The following MAS1L variants were observed in gnomAD, a reference collection of about 807,000 sequenced individuals.
MAS1L encodes mas-related G protein-coupled receptor MRG.
For synonymous variants in MAS1L, 160 were observed against 182.9 expected, an observed-to-expected ratio of 0.87 and a Z score of 1.01; for missense variants, 441 against 460.1, an observed-to-expected ratio of 0.96 and a Z score of 0.38.
Position 29,486,712 on chromosome 6 carries a change from T to A in MAS1L, c.*54A>T, listed in dbSNP as rs2066951. 1 of 1,518,880 alleles carries A rather than the reference T, an allele frequency of 6.6e-7. No homozygotes were observed. The highest frequency in any genetic ancestry group is 8.9e-7 in the Non-Finnish European group (1 of 1,126,276). 94.1% of individuals were successfully genotyped at this position (1,518,880 alleles called of 1,614,324 possible). On this transcript the variant is annotated 3_prime_UTR_variant, in exon 1 of 1. Transcript: ENST00000377127. ...TTGATTTGATGCAGCAGCCTTATGA[T>A]GCAGAACAGGCTGGGTTACTATGTG...
chr6:29,487,476 A>T lies in MAS1L; in HGVS notation c.427T>A (p.Phe143Ile). ...ATGGCCAGGAAATCAGGGATAAAAA[A>T]CACGACTCCATGATAAGTTAGCAGA... is the stretch of plus-strand genomic sequence containing the variant. ...VTLLTYHGVV[F>I]FIPDFLAILS... The change falls in exon 1 of 1, where the codon TTT becomes ATT. Residue 143 changes from phenylalanine (F) to isoleucine (I), a missense_variant. Phe to Ile is a conservative substitution (Grantham distance 21). Transcript: ENST00000377127. 1 of 1,610,426 alleles carries T rather than the reference A, an allele frequency of 6.2e-7. No homozygotes were observed. Among genetic ancestry groups the T allele is most frequent in the Non-Finnish European group, 8.5e-7 (1 of 1,178,100 alleles).
In MAS1L at chr6:29,487,187, A is replaced by T. The variant is rs996040813; in HGVS notation, c.716T>A (p.Met239Lys). 6.2e-7 allele frequency: 1 copy of T among 1,614,184 alleles called. No homozygotes were observed. Among genetic ancestry groups the T allele is most frequent in the African/African-American group, 1.3e-5 (1 of 75,056 alleles). ...GAGTAGAGTCAGACTCGACACACAC[A>T]TCACAAGTGAAAGGATAGCATGGAA... ...GLFHAILSLV[M>K]CVSSLTLLIR... is the part of the protein sequence containing the mutation. Residue 239 changes from methionine to lysine, a missense_variant, in exon 1 of 1, where the codon ATG becomes AAG. Coordinates refer to ENST00000377127, the MANE Select transcript of MAS1L (RefSeq NM_052967.2).
rs1789375147 is a variant in MAS1L, at chr6:29,487,412, A to G, written c.491T>C (p.Leu164Pro). The change falls in exon 1 of 1, where the codon CTG becomes CCG. Residue 164 changes from leucine (L) to proline (P), a missense_variant. Transcript: ENST00000377127. ...PFSFEVCLCL[L>P]VAISTERCVC... ...ACACCGCTCTGTGCTGATGGCCACC[A>G]GGAGACAGAGACACACCTCAAAGGA... The G allele has an allele frequency of 2.5e-6, 4 of 1,612,814 alleles. No homozygotes were observed. The highest frequency in any genetic ancestry group is 3.3e-5 in the Admixed American group (2 of 59,918).
At chr6:29,487,363 C>T in the MAS1L span, 3 of 1,613,942 alleles carry the variant, frequency 1.9e-6, no homozygotes, top group African/African-American at 4.0e-5. Flanking sequence ...GGCATCTGTA[C>T]CAGATGGGGA....
Position 29,487,405 on chromosome 6 carries a change from G to A in MAS1L, c.498C>T (p.Ala166=), listed in dbSNP as rs199506026. The A allele has an allele frequency of 5.8e-5, 94 of 1,613,998 alleles. 1 individual carries two copies. In the South Asian group the frequency reaches 9.8e-4, roughly 17 times the overall value. The change falls in exon 1 of 1, where the codon GCC becomes GCT. Residue 166 remains alanine, a synonymous_variant. Coordinates refer to ENST00000377127, the MANE Select transcript of MAS1L (RefSeq NM_052967.2). The part of the protein sequence containing the change: ...SFEVCLCLLV[A]ISTERCVCVL... ...CACACACACACCGCTCTGTGCTGAT[G>A]GCCACCAGGAGACAGAGACACACCT...
In MAS1L at chr6:29,486,847, G is replaced by A. The variant is rs148359929; in HGVS notation, c.1056C>T (p.Ile352=). Residue 352 remains isoleucine (I), a synonymous_variant, in exon 1 of 1, where the codon ATC becomes ATT. Transcript: ENST00000377127. Reference sequence around the variant, plus strand: ...TAGAGTGTGGTTGCTCCATTGGGTCGATGCCAGCTGCCTTTTTGTTCCTCC... The same window carrying A: ...TAGAGTGTGGTTGCTCCATTGGGTCAATGCCAGCTGCCTTTTTGTTCCTCC... ...EVGRNKKAAG[I]DPMEQPHSTQ... 569 of 1,614,114 alleles carry A rather than the reference G, an allele frequency of 3.5e-4. 1 individual carries two copies. In the African/African-American group the frequency reaches 6.4e-3, roughly 18 times the overall value.
rs1349013258 is a variant in MAS1L at position 29,487,956 on chromosome 6, T to C, written c.-54A>G. The C allele has an allele frequency of 1.8e-5, 28 of 1,531,434 alleles. No homozygotes were observed. The highest frequency in any genetic ancestry group is 2.4e-4 in the Middle Eastern group (1 of 4,146). 94.9% of individuals were successfully genotyped at this position (1,531,434 alleles called of 1,614,324 possible). A position where few individuals can be genotyped will look rare whatever the true frequency, so the allele number is the denominator to read the frequency against. On this transcript the variant is annotated 5_prime_UTR_variant, in exon 1 of 1. It removes an upstream start codon present in the reference 5' UTR. Coordinates refer to ENST00000377127, the MANE Select transcript of MAS1L (RefSeq NM_052967.2). ...CATCACAGTCAGGAGCAGTGGTCCA[T>C]CTAGTGGTGTCCTCTGGCCTCAGAC...
In MAS1L at chr6:29,487,774, C is replaced by T; in HGVS notation, c.129G>A (p.Leu43=). Reference sequence around the variant, plus strand: ...GAAAGACGCCACAGAGCTGAGATACCAGGTTTGGGTTCTGTGCCTCCTGGT... The same window carrying T: ...GAAAGACGCCACAGAGCTGAGATACTAGGTTTGGGTTCTGTGCCTCCTGGT... ...SGDQEAQNPN[L]VSQLCGVFLQ... The change falls in exon 1 of 1, where the codon CTG becomes CTA. Residue 43 remains leucine, a synonymous_variant. Coordinates refer to ENST00000377127, the MANE Select transcript of MAS1L (RefSeq NM_052967.2). 1 of 1,614,232 alleles carries T rather than the reference C, an allele frequency of 6.2e-7. No individual in the cohort carries two copies. Among genetic ancestry groups the T allele is most frequent in the South Asian group, 1.1e-5 (1 of 91,086 alleles).
In MAS1L at chr6:29,486,778, A is replaced by G. The variant is rs781194418; in HGVS notation, c.1125T>C (p.Asp375=). The G allele has an allele frequency of 1.3e-5, 21 of 1,611,720 alleles. No individual in the cohort carries two copies. In the East Asian group the frequency reaches 3.1e-4, roughly 24 times the overall value. ...ENLLPREHRV[D]VET ...CAGATGTGGGAAATTATGTTTCCAC[A>G]TCGACCCTGTGCTCCCTGGGAAGAA... The change falls in exon 1 of 1, where the codon GAT becomes GAC. Residue 375 remains aspartate, a synonymous_variant. Transcript: ENST00000377127.
In MAS1L at chr6:29,487,551, C is replaced by T; in HGVS notation, c.352G>A (p.Ala118Thr). ...YMVYILHLVA[A>T]DVIYLCCSAV... ...GAGCAGCAAAGATAGATCACGTCAG[C>T]AGCGACCAGGTGGAGGATGTATACC... The change falls in exon 1 of 1, where the codon GCT (alanine) becomes ACT (threonine). Residue 118 changes from alanine (A) to threonine (T), a missense_variant. Transcript: ENST00000377127. 6.2e-7 allele frequency: 1 copy of T among 1,614,162 alleles called. No individual in the cohort carries two copies.
In MAS1L at chr6:29,487,005, A is replaced by T. The variant is rs778267986; in HGVS notation, c.898T>A (p.Ser300Thr). 6.2e-7 allele frequency: 1 copy of T among 1,614,126 alleles called. No individual in the cohort carries two copies. The highest frequency in any genetic ancestry group is 1.1e-5 in the South Asian group (1 of 91,080). The change falls in exon 1 of 1, where the codon TCC becomes ACC. Residue 300 changes from serine (S) to threonine (T), a missense_variant. Physicochemically the swap from Ser to Thr is moderately conservative, Grantham distance 58 (BLOSUM62 1). Transcript: ENST00000377127. Reference protein sequence around the residue: ...KMFVTTSYLISLFLIINSSAN... With the variant: ...KMFVTTSYLITLFLIINSSAN... ...CTGCTGTTTATAATGAGGAACAAGG[A>T]AATTAAATAGGAGGTGGTGACAAAC... is the stretch of plus-strand genomic sequence containing the variant.
chr6:29,486,755 G>C lies in MAS1L; in HGVS notation c.*11C>G, dbSNP rs117869262. The stretch of plus-strand genomic sequence containing the variant: ...ACTATGTGTACAATTCCCCAGCTCA[G>C]ATGTGGGAAATTATGTTTCCACATC... On this transcript the variant is annotated 3_prime_UTR_variant, in exon 1 of 1. Transcript: ENST00000377127. The C allele has an allele frequency of 6.5e-3, 10,403 of 1,604,196 alleles. 65 individuals are homozygous for C. The highest frequency in any genetic ancestry group is 0.015 in the Middle Eastern group (88 of 5,882).
chr6:29,487,636 C>A lies in MAS1L; in HGVS notation c.267G>T (p.Gly89=), dbSNP rs1409472491. The A allele has an allele frequency of 6.2e-7, 1 of 1,614,078 alleles. No individual in the cohort carries two copies. The highest frequency in any genetic ancestry group is 8.5e-7 in the Non-Finnish European group (1 of 1,180,052). Residue 89 remains glycine (G), a synonymous_variant, in exon 1 of 1, where the codon GGG becomes GGT. Coordinates refer to ENST00000377127, the MANE Select transcript of MAS1L (RefSeq NM_052967.2). ...APKAVLVSLC[G]VLLNGTVFWL... ...AGAAGACAGTGCCATTCAATAAGAC[C>A]CCACAGAGGGAGACCAGCACAGCCT... is the stretch of plus-strand genomic sequence containing the variant.
Position 29,487,315 on chromosome 6 carries a change from G to A in MAS1L, c.588C>T (p.Leu196=). Reference sequence around the variant, plus strand: ...TGATGCAAAAAGGCAGGCCCCAGATGAGGGTGCAGACAACATTAGATGTGT... The same window carrying A: ...TGATGCAAAAAGGCAGGCCCCAGATAAGGGTGCAGACAACATTAGATGTGT... ...PKYTSNVVCT[L]IWGLPFCINI... Residue 196 remains leucine (L), a synonymous_variant, in exon 1 of 1, where the codon CTC becomes CTT. Coordinates refer to ENST00000377127, the MANE Select transcript of MAS1L (RefSeq NM_052967.2). The A allele has an allele frequency of 1.2e-6, 2 of 1,614,136 alleles. No individual in the cohort carries two copies. Among genetic ancestry groups the A allele is most frequent in the Non-Finnish European group, 1.7e-6 (2 of 1,180,040 alleles).
At chr6:29,487,696 TC>T in the MAS1L span, 1 of 1,614,222 alleles carries the variant, frequency 6.2e-7, no homozygotes, top group South Asian at 1.1e-5. Flanking sequence ...GGGCCTGCTG[TC>T]CCACTGCCAT....
chr6:29,487,916 C>A lies in MAS1L; in HGVS notation c.-14G>T. 1 of 1,594,162 alleles carries A rather than the reference C, an allele frequency of 6.3e-7. No individual in the cohort carries two copies. The highest frequency in any genetic ancestry group is 8.5e-7 in the Non-Finnish European group (1 of 1,172,252). On this transcript the variant is annotated 5_prime_UTR_variant, in exon 1 of 1. The change creates a new upstream start codon in the 5' untranslated region. Coordinates refer to ENST00000377127, the MANE Select transcript of MAS1L (RefSeq NM_052967.2). The stretch of plus-strand genomic sequence containing the variant: ...CCCCCAGACCATGGGGTGCTGGGAC[C>A]TGAGTGGGCCACAACATCACAGTCA...
At position 29,486,915 on chromosome 6, in the gene MAS1L, T is replaced by C. The variant is rs1376918566; in HGVS notation, c.988A>G (p.Arg330Gly). Residue 330 changes from arginine (R) to glycine (G), a missense_variant, in exon 1 of 1, where the codon AGA (arginine) becomes GGA (glycine). By Grantham distance (125) the Arg-to-Gly change is moderately radical (BLOSUM62 -2). Transcript: ENST00000377127. ...LRKKRLKESL[R>G]VILQRALADK... is the part of the protein sequence containing the mutation. Reference sequence around the variant, plus strand: ...GCTAACGCCCGTTGGAGAATCACTCTGAGAGATTCCTTCAGCCTTTTCTTT... The same window carrying C: ...GCTAACGCCCGTTGGAGAATCACTCCGAGAGATTCCTTCAGCCTTTTCTTT... The C allele has an allele frequency of 6.2e-6, 10 of 1,614,074 alleles. No homozygotes were observed. Among genetic ancestry groups the C allele is most frequent in the Non-Finnish European group, 8.5e-6 (10 of 1,180,034 alleles).
rs1477714752 is a variant in MAS1L at position 29,487,126 on chromosome 6, G to A, written c.777C>T (p.Ala259=). 6.2e-7 allele frequency: 1 copy of A among 1,614,104 alleles called. No homozygotes were observed. Among genetic ancestry groups the A allele is most frequent in the South Asian group, 1.1e-5 (1 of 91,070 alleles). The part of the protein sequence containing the change: ...RFLCCSQQQK[A]TRVYAVVQIS... Reference sequence around the variant, plus strand: ...TCTGCACCACCGCATAGACCCTGGTGGCCTTTTGCTGCTGGGAGCAGCACA... The same window carrying A: ...TCTGCACCACCGCATAGACCCTGGTAGCCTTTTGCTGCTGGGAGCAGCACA... The change falls in exon 1 of 1, where the codon GCC becomes GCT. Residue 259 remains alanine, a synonymous_variant. Transcript: ENST00000377127.
rs1180106008 is a variant in MAS1L, at chr6:29,487,474, A to G, written c.429T>C (p.Phe143=). The change falls in exon 1 of 1, where the codon TTT becomes TTC. Residue 143 remains phenylalanine (F), a synonymous_variant. Coordinates refer to ENST00000377127, the MANE Select transcript of MAS1L (RefSeq NM_052967.2). ...ATATGGCCAGGAAATCAGGGATAAA[A>G]AACACGACTCCATGATAAGTTAGCA... is the stretch of plus-strand genomic sequence containing the variant. The part of the protein sequence containing the change: ...VTLLTYHGVV[F]FIPDFLAILS... 1 of 1,614,180 alleles carries G rather than the reference A, an allele frequency of 6.2e-7. No individual in the cohort carries two copies. The highest frequency in any genetic ancestry group is 1.1e-5 in the South Asian group (1 of 91,082).
Sources: allele counts gnomAD v4.1 joint callset, GRCh38; gene constraint gnomAD v4.1.1; transcripts MANE v1.5; gene names NCBI Gene and HGNC (gene_info 2026-07-23, HGNC 2026-07-21).